The following KANK1 variants were observed in gnomAD, a reference collection of about 807,000 sequenced individuals.
KANK1 encodes the protein KN motif and ankyrin repeat domains 1, also known as KN motif and ankyrin repeat domain-containing protein 1.
KANK1 carries 109 observed loss-of-function variants against 106.2 expected under a neutral mutation model. That is an observed-to-expected ratio of 1.03 (90% CI 0.88 to 1.20). The LOEUF (loss-of-function observed/expected upper bound fraction) is 1.20, where lower values mean the gene tolerates loss of function less well. Among genes scored for constraint, KANK1 ranks in the 50% most tolerant of loss-of-function variants. KANK1 has a pLI of 0.00. For synonymous variants in KANK1, 873 were observed against 652.2 expected, an observed-to-expected ratio of 1.34 and a Z score of -5.16; for missense variants, 2,399 against 1,710.7, an observed-to-expected ratio of 1.40 and a Z score of -7.10.
chr9:711,394 C>G lies in KANK1; in HGVS notation c.628C>G (p.His210Asp), dbSNP rs1826032171. 2 of 1,614,030 alleles carry G rather than the reference C, an allele frequency of 1.2e-6. No homozygotes were observed. The highest frequency in any genetic ancestry group is 1.7e-6 in the Non-Finnish European group (2 of 1,180,026). Residue 210 changes from histidine to aspartate, a missense_variant, in exon 3 of 12, where the codon CAC (histidine) becomes GAC (aspartate). By Grantham distance (81) the His-to-Asp change is moderately conservative (BLOSUM62 -1). Coordinates refer to ENST00000382297, the MANE Select transcript of KANK1 (RefSeq NM_015158.5). ...TTCTGGAAACCACAATCCTGCCAAG[C>G]ACCAGCTTCAGAATGGATACCAAGG... ...VGSGNHNPAK[H>D]QLQNGYQGNG... is the part of the protein sequence containing the mutation.
chr9:546,252 A>G (rs917870336), intron 1 of KANK1, among the ~76,000 whole-genome samples: 7 of 152,060 alleles, frequency 4.6e-5, no homozygotes, highest in Non-Finnish European at 7.4e-5. Context: ...GTTGCCTCCC[A>G]GGGAATATTT....
chr9:639,477 T>G (rs1837899366), intron 1 of KANK1, among the ~76,000 whole-genome samples: 1 of 151,988 alleles, frequency 6.6e-6, no homozygotes, highest in African/African-American at 2.4e-5. Flanking sequence ...CCATCACACC[T>G]GGCTAGTTTT....
chr9:593,616 A>G (rs1291007005), intron 1 of KANK1, among the ~76,000 whole-genome samples: 2 of 151,748 alleles, frequency 1.3e-5, no homozygotes, highest in African/African-American at 2.4e-5. Context: ...CAGGGCTTTA[A>G]ACACGAAGAC....
intron 2 of KANK1, among the ~76,000 whole-genome samples, chr9:703,251 C>T (rs1200781482): frequency 6.6e-6 from 1 of 152,098 alleles, no homozygotes; most frequent in Admixed American, 6.5e-5. Flanking sequence ...CCTGGCCTCC[C>T]AAAGTGCTGG....
chr9:595,161 C>T (rs554316032), intron 1 of KANK1, among the ~76,000 whole-genome samples: 2 of 151,702 alleles, frequency 1.3e-5, no homozygotes, highest in East Asian at 1.9e-4. Context: ...TGACTGTAGT[C>T]CCAGCTACTC....
chr9:530,471 A>C (rs775775206), intron 1 of KANK1, among the ~76,000 whole-genome samples: 1 of 151,858 alleles, frequency 6.6e-6, no homozygotes, highest in Non-Finnish European at 1.5e-5. Flanking sequence ...TTAATAGTCC[A>C]TTTTCCCTCT....
chr9:562,665 A>C (rs1816798181), intron 1 of KANK1, among the ~76,000 whole-genome samples: 1 of 152,194 alleles, frequency 6.6e-6, no homozygotes, highest in Non-Finnish European at 1.5e-5. Context: ...ATTTCCTGAG[A>C]TGATATATTG....
chr9:680,042 A>G (rs1435155948), intron 2 of KANK1, among the ~76,000 whole-genome samples: 2 of 152,190 alleles, frequency 1.3e-5, no homozygotes, highest in South Asian at 2.1e-4. Context: ...GTGAGGGCCA[A>G]TTACTGGTCT....
chr9:668,041 CTT>C (rs1406684571), intron 1 of KANK1, among the ~76,000 whole-genome samples: 2 of 152,066 alleles, frequency 1.3e-5, no homozygotes, highest in African/African-American at 2.4e-5. Flanking sequence ...CAAAATTCCT[CTT>C]GTTATTGATA....
At position 599,111 on chromosome 9, in the gene KANK1, C is replaced by T. The variant is rs958175380; in HGVS notation, c.-83-77779C>T. Among the ~76,000 whole-genome samples, 18 of 148,916 alleles carry T rather than the reference C, an allele frequency of 1.2e-4. 1 individual carries two copies. Among genetic ancestry groups the T allele is most frequent in the African/African-American group, 4.3e-4 (17 of 39,798 alleles). ...TTGGCTCACCACAGCCTCCACCTCC[C>T]AGGGTCAAGCAATTCTCCTGCCTCA... On this transcript the variant is annotated intron_variant, in intron 1 of 11. Transcript: ENST00000382297.
At chr9:708,819 T>C (rs373493379) in intron 2 of KANK1, among the ~76,000 whole-genome samples, 3 of 152,288 alleles carry the variant, frequency 2.0e-5, no homozygotes, top group Admixed American at 6.5e-5. Context: ...TTTGAGTTCT[T>C]TCCATAGCTC....
chr9:712,891 A>T lies in KANK1; in HGVS notation c.2125A>T (p.Thr709Ser). 1.2e-6 allele frequency: 2 copies of T among 1,613,928 alleles called. No homozygotes were observed. Among genetic ancestry groups the T allele is most frequent in the Non-Finnish European group, 1.7e-6 (2 of 1,180,010 alleles). The change falls in exon 3 of 12, where the codon ACC becomes TCC. Residue 709 changes from threonine (T) to serine (S), a missense_variant. Transcript: ENST00000382297. ...AAGCACTTTGGACAAGCAGACCAGCACCCAGACTGTGGAGACGCGGACAGT... is the reference window on the plus strand; with the variant it reads ...AAGCACTTTGGACAAGCAGACCAGCTCCCAGACTGTGGAGACGCGGACAGT... ...CLSTLDKQTS[T>S]QTVETRTVAV...
intron 1 of KANK1, among the ~76,000 whole-genome samples, chr9:578,333 G>C (rs952556508): frequency 6.6e-6 from 1 of 150,812 alleles, no homozygotes; most frequent in Admixed American, 6.6e-5. Context: ...TTTCAACTGT[G>C]TGTGTGTGTG....
At chr9:695,290 A>G (rs572690097) in intron 2 of KANK1, among the ~76,000 whole-genome samples, 1 of 152,278 alleles carries the variant, frequency 6.6e-6, no homozygotes, top group African/African-American at 2.4e-5. Context: ...AGTGTTCAGA[A>G]TAATCGGCAC....
intron 1 of KANK1, among the ~76,000 whole-genome samples, chr9:599,992 G>A (rs1827312579): frequency 1.3e-5 from 2 of 151,806 alleles, no homozygotes; most frequent in South Asian, 4.2e-4. Context: ...AGTCTTTAAG[G>A]TAATAAGAAT....
At chr9:591,633 A>G (rs1255642203) in intron 1 of KANK1, among the ~76,000 whole-genome samples, 2 of 151,692 alleles carry the variant, frequency 1.3e-5, no homozygotes, top group African/African-American at 2.4e-5. Flanking sequence ...ACGCGCACAC[A>G]CACACACTCT....
intron 2 of KANK1, among the ~76,000 whole-genome samples, chr9:688,231 A>G (rs1376261359): frequency 1.3e-5 from 2 of 152,214 alleles, no homozygotes; most frequent in Admixed American, 1.3e-4. Flanking sequence ...TGTGTCACAC[A>G]CACACTCTTG....
Position 731,183 on chromosome 9 carries a change from G to A in KANK1, c.2922G>A (p.Leu974=). 1.2e-6 allele frequency: 2 copies of A among 1,610,312 alleles called. No individual in the cohort carries two copies. The highest frequency in any genetic ancestry group is 8.5e-7 in the Non-Finnish European group (1 of 1,176,848). The change falls in exon 5 of 12, where the codon CTG becomes CTA. Residue 974 remains leucine, a synonymous_variant. Coordinates refer to ENST00000382297, the MANE Select transcript of KANK1 (RefSeq NM_015158.5). ...LYACTNNEST[L]KSIMKKKDGN... is the part of the protein sequence containing the mutation. ...CATGTACAAACAATGAAAGTACACT[G>A]AAGTCCATCATGAAGAAGAAAGATG... is the stretch of plus-strand genomic sequence containing the variant.
chr9:634,440 C>G (rs1481966811), intron 1 of KANK1, among the ~76,000 whole-genome samples: 1 of 152,170 alleles, frequency 6.6e-6, no homozygotes, highest in Non-Finnish European at 1.5e-5. Context: ...ATCTTAGGTT[C>G]TATAGTAGTG....
Sources: gnomAD v4.1 joint callset for allele counts (sites outside exome capture counted in the v4.1 genomes callset) on GRCh38, gnomAD v4.1.1 for gene constraint, MANE v1.5 for transcripts, NCBI Gene and HGNC (gene_info 2026-07-23, HGNC 2026-07-21) for gene names.